Variants in ASB5 observed in about 807,000 individuals in gnomAD.
The protein encoded by ASB5 is ankyrin repeat and SOCS box protein 5.
Under a neutral mutation model 42.1 loss-of-function variants are expected in ASB5, and 45 were observed. That is an observed-to-expected ratio of 1.07 (90% CI 0.84 to 1.37). ASB5 has a LOEUF of 1.37. Ranked by LOEUF, ASB5 falls within the 40% of genes most tolerant of loss-of-function variation. ASB5 has a pLI of 0.00. For missense variants in ASB5, 402 were observed against 399.8 expected (o/e 1.01, Z -0.05); for synonymous variants, 147 against 150.6 (o/e 0.98, Z 0.18).
intron 1 of ASB5, among the ~76,000 whole-genome samples, chr4:176,225,870 G>A (rs577300472): frequency 5.3e-5 from 8 of 152,318 alleles, no homozygotes; most frequent in East Asian, 1.9e-4. Flanking sequence ...GATTACAGGC[G>A]TGAGCCACTG....
intron 1 of ASB5, among the ~76,000 whole-genome samples, chr4:176,267,901 T>A (rs1037400888): frequency 2.0e-5 from 3 of 152,110 alleles, no homozygotes; most frequent in African/African-American, 7.2e-5. Flanking sequence ...TTAAAATGAG[T>A]CGCATCCCAC....
intron 1 of ASB5, among the ~76,000 whole-genome samples, chr4:176,252,412 T>A (rs186655074): frequency 1.3e-4 from 20 of 152,340 alleles, no homozygotes; most frequent in Admixed American, 8.5e-4. Flanking sequence ...TTCCATTCAC[T>A]TAAGTTTGAG....
chr4:176,224,521 C>T (rs1156503843), intron 2 of ASB5, among the ~76,000 whole-genome samples: 8 of 128,846 alleles, frequency 6.2e-5, no homozygotes, highest in Non-Finnish European at 1.1e-4. Flanking sequence ...AGGCGTGAGC[C>T]ACTGTGCCCA....
intron 1 of ASB5, among the ~76,000 whole-genome samples, chr4:176,241,188 A>T (rs1753804125): frequency 6.6e-6 from 1 of 152,178 alleles, no homozygotes; most frequent in Non-Finnish European, 1.5e-5. Flanking sequence ...ATATTAACAA[A>T]CACAGGTTGA....
chr4:176,216,713 T>A lies in ASB5; in HGVS notation c.862+105A>T, dbSNP rs1044436376. 14 of 937,208 alleles carry A rather than the reference T, an allele frequency of 1.5e-5. No individual in the cohort carries two copies. In the African/African-American group the frequency reaches 2.2e-4, roughly 15 times the overall value. The allele number at this position is 937,208 out of a possible 1,614,324, so 58.1% of individuals were successfully genotyped here. ...CTACTTTCACAAATAATATTCCACA[T>A]TTTATGCCATTGTTACTTTCCATGC... is the stretch of plus-strand genomic sequence containing the variant. On this transcript the variant is annotated intron_variant, in intron 6 of 6. Transcript: ENST00000296525.
chr4:176,272,271 G>T (rs1754483212), upstream of ASB5, among the ~76,000 whole-genome samples: 2 of 152,162 alleles, frequency 1.3e-5, no homozygotes, highest in South Asian at 4.1e-4. Flanking sequence ...TATTAGGTTG[G>T]TGTAAAAGTA....
At chr4:176,269,868 C>T (rs1754435281), upstream of ASB5, among the ~76,000 whole-genome samples, 1 of 152,098 alleles carries the variant, frequency 6.6e-6, no homozygotes, top group Non-Finnish European at 1.5e-5. Context: ...AAGGTAAAAA[C>T]AGGTATTAAG....
At chr4:176,262,699 T>C (rs550606805) in intron 1 of ASB5, among the ~76,000 whole-genome samples, 2 of 152,172 alleles carry the variant, frequency 1.3e-5, no homozygotes, top group African/African-American at 4.8e-5. Context: ...TTAGTTTCTA[T>C]AGTTTATCCT....
At chr4:176,217,066 T>G (rs918819587) in intron 5 of ASB5, 57 bp from the exon 6 acceptor site, 3 of 1,419,744 alleles carry the variant, frequency 2.1e-6, no homozygotes, top group Non-Finnish European at 2.9e-6. Context: ...ATAAGCCAGC[T>G]GCCTCAGTGG....
intron 1 of ASB5, among the ~76,000 whole-genome samples, chr4:176,259,610 T>G (rs1754219397): frequency 6.6e-6 from 1 of 152,200 alleles, no homozygotes; most frequent in African/African-American, 2.4e-5. Context: ...TTGACAGCCT[T>G]ACCTGATTTA....
intron 5 of ASB5, among the ~76,000 whole-genome samples, chr4:176,220,186 A>G (rs1260377172): frequency 1.3e-5 from 2 of 152,188 alleles, no homozygotes; most frequent in African/African-American, 4.8e-5. Flanking sequence ...TACAAAATTC[A>G]TGGGAGGGAG....
Position 176,215,435 on chromosome 4 carries a change from C to T in ASB5, c.*165G>A, listed in dbSNP as rs1752939762. On this transcript the variant is annotated 3_prime_UTR_variant, in exon 7 of 7. Transcript: ENST00000296525. Reference sequence around the variant, plus strand: ...TCCAAAGACAGCATAAATGATAAAACAATAGTACTAATACACTTAAAATGA... The same window carrying T: ...TCCAAAGACAGCATAAATGATAAAATAATAGTACTAATACACTTAAAATGA... The T allele has an allele frequency of 1.1e-5, 6 of 567,382 alleles. No individual in the cohort carries two copies. In the South Asian group the frequency reaches 2.2e-4, roughly 21 times the overall value. The allele number at this position is 567,382 out of a possible 1,614,324, so 35.1% of individuals were successfully genotyped here. A position where few individuals can be genotyped will look rare whatever the true frequency, so the allele number is the denominator to read the frequency against.
intron 5 of ASB5, among the ~76,000 whole-genome samples, chr4:176,217,319 T>G (rs1407495017): frequency 6.6e-6 from 1 of 152,158 alleles, no homozygotes; most frequent in Non-Finnish European, 1.5e-5. Context: ...AACTTTTAAA[T>G]GATTCCAAAA....
chr4:176,262,460 A>T (rs1754282747), intron 1 of ASB5, among the ~76,000 whole-genome samples: 1 of 152,196 alleles, frequency 6.6e-6, no homozygotes, highest in South Asian at 2.1e-4. Context: ...ATTGTGAATA[A>T]GGATGCATGC....
intron 2 of ASB5, among the ~76,000 whole-genome samples, chr4:176,274,717 AG>A (rs1754534335): frequency 6.6e-6 from 1 of 152,132 alleles, no homozygotes; most frequent in African/African-American, 2.4e-5. Context: ...ACTGGGCCAA[AG>A]CTGATGTGCC....
At chr4:176,270,173 A>G (rs1038800126), upstream of ASB5, among the ~76,000 whole-genome samples, 1 of 152,222 alleles carries the variant, frequency 6.6e-6, no homozygotes, top group Non-Finnish European at 1.5e-5. Flanking sequence ...ATGATATGCC[A>G]AAATACAAAA....
intron 6 of ASB5, among the ~76,000 whole-genome samples, chr4:176,216,552 T>C (rs1364020610): frequency 2.6e-5 from 4 of 152,198 alleles, no homozygotes; most frequent in African/African-American, 9.6e-5. Context: ...GGTTTCACCA[T>C]GTTGGCCAGG....
upstream of ASB5, among the ~76,000 whole-genome samples, chr4:176,270,108 A>G (rs1324601183): frequency 6.6e-6 from 1 of 152,212 alleles, no homozygotes; most frequent in African/African-American, 2.4e-5. Flanking sequence ...GAGAAATAGA[A>G]TAAATTATTA....
chr4:176,232,637 A>G (rs990551228), intron 1 of ASB5, among the ~76,000 whole-genome samples: 2 of 152,212 alleles, frequency 1.3e-5, no homozygotes, highest in African/African-American at 4.8e-5. Context: ...CAAATTAAAA[A>G]TCACCAGGCA....
Sources: gnomAD v4.1 joint callset for allele counts (sites outside exome capture counted in the v4.1 genomes callset) on GRCh38, gnomAD v4.1.1 for gene constraint, MANE v1.5 for transcripts, NCBI Gene and HGNC (gene_info 2026-07-23, HGNC 2026-07-21) for gene names.